Variants in KCNH7 observed in about 807,000 individuals in gnomAD.
KCNH7 encodes voltage-gated inwardly rectifying potassium channel KCNH7.
Under a neutral mutation model 120.8 loss-of-function variants are expected in KCNH7, and 49 were observed. The observed-to-expected ratio is 0.41, with a 90% CI of 0.32 to 0.51. KCNH7 has a LOEUF of 0.51. Among genes scored for constraint, KCNH7 ranks in the 20% least tolerant of loss-of-function variants. The pLI is 0.38. For synonymous variants in KCNH7, 547 were observed against 516.1 expected (o/e 1.06, Z -0.81); for missense variants, 1,097 against 1,446.6 (o/e 0.76, Z 3.92).
chr2:162,424,896 G>A (rs1687810598), intron 8 of KCNH7, among the ~76,000 whole-genome samples: 1 of 152,110 alleles, frequency 6.6e-6, no homozygotes, highest in Non-Finnish European at 1.5e-5. Flanking sequence ...AACTTGACTG[G>A]GCCACAGTGT....
chr2:162,437,671 C>A (rs1182884870), intron 7 of KCNH7, among the ~76,000 whole-genome samples: 1 of 152,068 alleles, frequency 6.6e-6, no homozygotes, highest in Non-Finnish European at 1.5e-5. Context: ...ATAAGGCCAA[C>A]CTTACAGAGT....
At chr2:162,497,153 A>T (rs1690523120) in intron 6 of KCNH7, 2 of 152,300 alleles carry the variant, frequency 1.3e-5, no homozygotes, top group Admixed American at 6.5e-5. Context: ...GAAGTACTAA[A>T]TCATAAATAC....
chr2:162,394,100 A>C (rs1686828207), intron 12 of KCNH7, among the ~76,000 whole-genome samples: 1 of 151,854 alleles, frequency 6.6e-6, no homozygotes, highest in Non-Finnish European at 1.5e-5. Context: ...CTTTCCAGAA[A>C]ACTGTGCTCC....
intron 8 of KCNH7, among the ~76,000 whole-genome samples, chr2:162,428,712 A>G (rs958733950): frequency 6.6e-6 from 1 of 151,824 alleles, no homozygotes; most frequent in Non-Finnish European, 1.5e-5. Flanking sequence ...TGTAATTTAA[A>G]GTTCTGTAAT....
chr2:162,705,077 GA>G (rs1218482423), intron 2 of KCNH7, among the ~76,000 whole-genome samples: 1 of 151,956 alleles, frequency 6.6e-6, no homozygotes, highest in Non-Finnish European at 1.5e-5. Flanking sequence ...CAGCTATGTG[GA>G]AATCATTGTC....
chr2:162,684,947 C>A (rs917107747), intron 2 of KCNH7, among the ~76,000 whole-genome samples: 16 of 152,036 alleles, frequency 1.1e-4, no homozygotes, highest in Admixed American at 5.9e-4. Context: ...TGGAGCCAAC[C>A]CAAACGCCCA....
At chr2:162,575,651 T>C (rs1485101160) in intron 2 of KCNH7, among the ~76,000 whole-genome samples, 1 of 152,096 alleles carries the variant, frequency 6.6e-6, no homozygotes, top group African/African-American at 2.4e-5. Context: ...CCCTAGAGAC[T>C]GACTTTCCCA....
intron 2 of KCNH7, among the ~76,000 whole-genome samples, chr2:162,801,833 G>T (rs1053115428): frequency 6.6e-6 from 1 of 151,732 alleles, no homozygotes; most frequent in African/African-American, 2.4e-5. Flanking sequence ...GAAGTTGTTG[G>T]AAGAGGGAGC....
intron 1 of KCNH7, 100 bp downstream of exon 1, chr2:162,838,343 G>T (rs1685734071): frequency 6.5e-6 from 6 of 925,396 alleles, no homozygotes. Context: ...TAAGTTGACA[G>T]AGCCTGGAGT....
chr2:162,823,550 C>T (rs1308163045), intron 2 of KCNH7, among the ~76,000 whole-genome samples: 4 of 151,602 alleles, frequency 2.6e-5, no homozygotes. Flanking sequence ...TCTAGAACAA[C>T]AAGATTAGTG....
At chr2:162,795,825 A>C (rs1424941249) in intron 2 of KCNH7, 2 of 152,118 alleles carry the variant, frequency 1.3e-5, no homozygotes, top group African/African-American at 4.8e-5. Flanking sequence ...AGAGGAAAGC[A>C]TCCTGTATTC....
chr2:162,611,650 T>C (rs1682968362), intron 2 of KCNH7, among the ~76,000 whole-genome samples: 1 of 152,220 alleles, frequency 6.6e-6, no homozygotes, highest in Admixed American at 6.5e-5. Flanking sequence ...ACGACATTAA[T>C]AACAAGAGTA....
intron 2 of KCNH7, among the ~76,000 whole-genome samples, chr2:162,698,630 A>G (rs1686382009): frequency 6.6e-6 from 1 of 152,146 alleles, no homozygotes; most frequent in Non-Finnish European, 1.5e-5. Flanking sequence ...CACATCAAAC[A>G]GACCTGTAAT....
rs1221695003 is a variant in KCNH7, at chr2:162,763,479, T to C, written c.307+73058A>G. On this transcript the variant is annotated intron_variant, in intron 2 of 15. Transcript: ENST00000332142. ...CACTGCAAGTTACACAGTGTGCTTCTTTCTAGTTTCTGTCACCATGCTGAT... is the reference window on the plus strand; with the variant it reads ...CACTGCAAGTTACACAGTGTGCTTCCTTCTAGTTTCTGTCACCATGCTGAT... Among the ~76,000 whole-genome samples, 3 of 152,270 alleles carry C rather than the reference T, an allele frequency of 2.0e-5. No individual in the cohort carries two copies. In the East Asian group the frequency reaches 5.8e-4, roughly 29 times the overall value.
chr2:162,789,216 G>A (rs1683829588), intron 2 of KCNH7, among the ~76,000 whole-genome samples: 1 of 151,882 alleles, frequency 6.6e-6, no homozygotes, highest in African/African-American at 2.4e-5. Context: ...ATCAAATTCA[G>A]AATATTCTAA....
rs142117464 is a variant in KCNH7 at position 162,567,612 on chromosome 2, G to A, written c.308-30532C>T. Reference sequence around the variant, plus strand: ...TATGTTTTGTATATTGATTTGTATTGTTTATCTTTCTTTTCTAGACTGCAG... The same window carrying A: ...TATGTTTTGTATATTGATTTGTATTATTTATCTTTCTTTTCTAGACTGCAG... On this transcript the variant is annotated intron_variant, in intron 2 of 15. Coordinates refer to ENST00000332142, the MANE Select transcript of KCNH7 (RefSeq NM_033272.4). Among the ~76,000 whole-genome samples the A allele has an allele frequency of 6.0e-3, 918 of 151,986 alleles. 16 individuals carry two copies. Among genetic ancestry groups the A allele is most frequent in the African/African-American group, 0.021 (858 of 41,480 alleles).
intron 9 of KCNH7, among the ~76,000 whole-genome samples, chr2:162,422,610 A>G (rs1183697112): frequency 6.6e-6 from 1 of 152,166 alleles, no homozygotes. Context: ...AATAATAAAA[A>G]GAGGTCTTTG....
intron 2 of KCNH7, among the ~76,000 whole-genome samples, chr2:162,618,206 T>C (rs181924836): frequency 9.9e-5 from 15 of 152,186 alleles, no homozygotes; most frequent in Admixed American, 2.6e-4. Context: ...TCATAGATTA[T>C]TGCAGCTTGA....
intron 2 of KCNH7, among the ~76,000 whole-genome samples, chr2:162,578,720 T>A (rs1693768026): frequency 6.6e-6 from 1 of 152,060 alleles, no homozygotes; most frequent in Admixed American, 6.6e-5. Context: ...AAGTTTTGGG[T>A]ATATCCATTT....
Sources: gnomAD v4.1 joint callset for allele counts (sites outside exome capture counted in the v4.1 genomes callset) on GRCh38, gnomAD v4.1.1 for gene constraint, MANE v1.5 for transcripts, NCBI Gene and HGNC (gene_info 2026-07-23, HGNC 2026-07-21) for gene names.